The following SLC5A12 variants were observed in gnomAD, a reference collection of about 807,000 sequenced individuals.
SLC5A12 encodes solute carrier family 5 member 12, also known as sodium-coupled monocarboxylate transporter 2.
In SLC5A12, 46 loss-of-function variants were observed where a neutral mutation model predicts 72.7. That is an observed-to-expected ratio of 0.63 (90% CI 0.50 to 0.81). SLC5A12 has a LOEUF of 0.81. Among genes scored for constraint, SLC5A12 ranks in the 30% least tolerant of loss-of-function variants. The pLI, the probability that SLC5A12 is intolerant of heterozygous loss-of-function variation, is 0.00. For synonymous variants in SLC5A12, 275 were observed against 264.4 expected (o/e 1.04, Z -0.39); for missense variants, 683 against 740.7 (o/e 0.92, Z 0.90).
In SLC5A12 at chr11:26,706,926, T is replaced by C. The variant is rs184223983; in HGVS notation, c.525+2386A>G. Among the ~76,000 whole-genome samples the C allele has an allele frequency of 3.3e-5, 5 of 151,730 alleles. No homozygotes were observed. In the East Asian group the frequency reaches 9.7e-4, roughly 29 times the overall value. On this transcript the variant is annotated intron_variant, in intron 4 of 14. Transcript: ENST00000396005. ...CATACCAAAAATAGTTTAACTAGACTCATTAAATGTTTACTATTTTATTTT... is the reference window on the plus strand; with the variant it reads ...CATACCAAAAATAGTTTAACTAGACCCATTAAATGTTTACTATTTTATTTT...
intron 3 of SLC5A12, among the ~76,000 whole-genome samples, 155 bp from the exon 4 acceptor site, chr11:26,709,534 C>T (rs575933240): frequency 2.6e-5 from 4 of 152,176 alleles, no homozygotes; most frequent in African/African-American, 4.8e-5. Context: ...TTCTCACCTT[C>T]GAGAAAGATT....
Position 26,670,159 on chromosome 11 carries a change from G to A in SLC5A12, c.*943C>T, listed in dbSNP as rs7945934. 42,855 of 151,938 alleles carry A rather than the reference G, an allele frequency of 0.28. 6,216 individuals are homozygous for A. Among genetic ancestry groups the A allele is most frequent in the East Asian group, 0.46 (2,381 of 5,146 alleles). 9.4% of individuals were successfully genotyped at this position (151,938 alleles called of 1,614,324 possible). A position where few individuals can be genotyped will look rare whatever the true frequency, so the allele number is the denominator to read the frequency against. ...GAGCTTGCTCACATGAGTTGAATGA[G>A]CAGAGTACAAGTCTTATGGACAATG... On this transcript the variant is annotated 3_prime_UTR_variant, in exon 15 of 15. Transcript: ENST00000396005.
In SLC5A12 at chr11:26,703,949, T is replaced by C. The variant is rs758508520; in HGVS notation, c.526-2A>G. ...CCACACCACTGCTTTTAATCCTCCC[T>C]GAAATAGAGAGAATGTTTGAGTCCT... is the stretch of plus-strand genomic sequence containing the variant. On this transcript the variant is annotated splice_acceptor_variant, in intron 4 of 14. Coordinates refer to ENST00000396005, the MANE Select transcript of SLC5A12 (RefSeq NM_178498.4). LOFTEE classifies it high-confidence loss of function. 1 of 1,613,328 alleles carries C rather than the reference T, an allele frequency of 6.2e-7. No individual in the cohort carries two copies. The highest frequency in any genetic ancestry group is 8.5e-7 in the Non-Finnish European group (1 of 1,179,556).
intron 4 of SLC5A12, 26 bp from the exon 5 acceptor site, chr11:26,703,973 C>G (rs770825349): frequency 6.2e-7 from 1 of 1,612,062 alleles, no homozygotes; most frequent in South Asian, 1.1e-5. Context: ...TGTTTGAGTC[C>G]TTGAAAACAA....
At chr11:26,699,547 A>G (rs1475602713) in intron 6 of SLC5A12, among the ~76,000 whole-genome samples, 2 of 152,074 alleles carry the variant, frequency 1.3e-5, no homozygotes, top group South Asian at 2.1e-4. Flanking sequence ...ACTTCCTTGA[A>G]AGTATTTTGC....
At position 26,668,599 on chromosome 11, in the gene SLC5A12, A is replaced by G. The variant is rs1854053512; in HGVS notation, c.*2503T>C. ...CTTCATAGTTTCCTTTTGCTTCACCACACAACAAACACGGTTTTCATACAC... is the reference window on the plus strand; with the variant it reads ...CTTCATAGTTTCCTTTTGCTTCACCGCACAACAAACACGGTTTTCATACAC... On this transcript the variant is annotated 3_prime_UTR_variant, in exon 15 of 15. Coordinates refer to ENST00000396005, the MANE Select transcript of SLC5A12 (RefSeq NM_178498.4). 6.6e-6 allele frequency: 1 copy of G among 152,040 alleles called. No individual in the cohort carries two copies. Among genetic ancestry groups the G allele is most frequent in the African/African-American group, 2.4e-5 (1 of 41,406 alleles). The allele number at this position is 152,040 out of a possible 1,614,324, so 9.4% of individuals were successfully genotyped here.
intron 6 of SLC5A12, 30 bp from the exon 7 acceptor site, chr11:26,698,565 G>A: frequency 6.2e-7 from 1 of 1,612,084 alleles, no homozygotes; most frequent in Non-Finnish European, 8.5e-7. Flanking sequence ...CCTATTGGTA[G>A]CCTGTATACC....
At chr11:26,698,918 C>T (rs1307008697) in intron 6 of SLC5A12, among the ~76,000 whole-genome samples, 2 of 152,114 alleles carry the variant, frequency 1.3e-5, no homozygotes, top group East Asian at 3.9e-4. Flanking sequence ...AAAAAGGCAA[C>T]TTACATTTTT....
intron 7 of SLC5A12, 60 bp downstream of exon 7, chr11:26,698,346 C>A (rs1047241634): frequency 3.8e-6 from 6 of 1,585,476 alleles, no homozygotes; most frequent in South Asian, 1.2e-5. Flanking sequence ...AGATTATCCA[C>A]CAATAGCTAG....
Position 26,670,965 on chromosome 11 carries a change from G to C in SLC5A12, c.*137C>G, listed in dbSNP as rs1854125498. 11 of 698,266 alleles carry C rather than the reference G, an allele frequency of 1.6e-5. No individual in the cohort carries two copies. The South Asian group carries it at 1.7e-4, about 11-fold the overall frequency. The allele number at this position is 698,266 out of a possible 1,614,324, so 43.3% of individuals were successfully genotyped here. On this transcript the variant is annotated 3_prime_UTR_variant, in exon 15 of 15. Coordinates refer to ENST00000396005, the MANE Select transcript of SLC5A12 (RefSeq NM_178498.4). ...TTTTGCATGTAGTTATAAATAAGTAGAAATAGGCACCAGACATCCCTGTCT... is the reference window on the plus strand; with the variant it reads ...TTTTGCATGTAGTTATAAATAAGTACAAATAGGCACCAGACATCCCTGTCT...
intron 14 of SLC5A12, among the ~76,000 whole-genome samples, chr11:26,672,184 G>T (rs1854158872): frequency 1.3e-5 from 2 of 152,026 alleles, no homozygotes; most frequent in South Asian, 4.1e-4. Flanking sequence ...CTGTAAACGT[G>T]GTGCTCTTGC....
intron 1 of SLC5A12, among the ~76,000 whole-genome samples, chr11:26,713,044 G>T (rs965345483): frequency 5.3e-5 from 8 of 152,008 alleles, no homozygotes; most frequent in African/African-American, 1.9e-4. Flanking sequence ...TCCAAATTTA[G>T]TTCGATCCTT....
intron 9 of SLC5A12, among the ~76,000 whole-genome samples, chr11:26,690,491 T>G (rs1854641416): frequency 6.6e-6 from 1 of 151,556 alleles, no homozygotes; most frequent in African/African-American, 2.4e-5. Flanking sequence ...TAAAGAATAA[T>G]GCTGGGAAAG....
Position 26,670,992 on chromosome 11 carries a change from C to T in SLC5A12, c.*110G>A. 3.1e-6 allele frequency: 3 copies of T among 961,262 alleles called. No homozygotes were observed. The highest frequency in any genetic ancestry group is 4.4e-6 in the Non-Finnish European group (3 of 679,674). 59.5% of individuals were successfully genotyped at this position (961,262 alleles called of 1,614,324 possible). A position where few individuals can be genotyped will look rare whatever the true frequency, so the allele number is the denominator to read the frequency against. On this transcript the variant is annotated 3_prime_UTR_variant, in exon 15 of 15. Transcript: ENST00000396005. ...AATAGGCACCAGACATCCCTGTCTT[C>T]TAGCAATGGCAACTATACATATCTA...
Position 26,683,839 on chromosome 11 carries a change from G to A in SLC5A12, c.1226C>T (p.Ser409Phe), listed in dbSNP as rs1854464961. ...TCCACACATGCCGTGAATGCTGAGG[G>A]AAGCCTGTGGAACAAAGGCAGACCA... ...ASVMGGVVQASLSIHGMCGGP... is the reference protein window; with the variant it reads ...ASVMGGVVQAFLSIHGMCGGP... The change falls in exon 11 of 15, where the codon TCC becomes TTC. Residue 409 changes from serine (S) to phenylalanine (F), a missense_variant. By Grantham distance (155) the Ser-to-Phe change is radical. Coordinates refer to ENST00000396005, the MANE Select transcript of SLC5A12 (RefSeq NM_178498.4). 5.7e-6 allele frequency: 9 copies of A among 1,591,152 alleles called. No homozygotes were observed. Among genetic ancestry groups the A allele is most frequent in the Admixed American group, 1.8e-5 (1 of 56,792 alleles).
chr11:26,697,679 T>C (rs1439038764), intron 7 of SLC5A12, among the ~76,000 whole-genome samples: 1 of 152,106 alleles, frequency 6.6e-6, no homozygotes, highest in Non-Finnish European at 1.5e-5. Flanking sequence ...AGCACGATGT[T>C]TAAGTTATGC....
chr11:26,712,675 C>G lies in SLC5A12; in HGVS notation c.371G>C (p.Arg124Pro), dbSNP rs777025065. The change falls in exon 2 of 15, where the codon CGC becomes CCC. Residue 124 changes from arginine to proline, a missense_variant. Physicochemically the swap from Arg to Pro is moderately radical, Grantham distance 103. Coordinates refer to ENST00000396005, the MANE Select transcript of SLC5A12 (RefSeq NM_178498.4). ...AATGTAGATGACCGTGGCAGCATAG[C>G]GAACTGGTTTGTTGAATCGTAGTTG... The part of the protein sequence containing the change: ...YLQLRFNKPV[R>P]YAATVIYIVQ... 8.2e-6 allele frequency: 13 copies of G among 1,588,532 alleles called. No homozygotes were observed. The highest frequency in any genetic ancestry group is 1.1e-5 in the Non-Finnish European group (13 of 1,161,312).
intron 6 of SLC5A12, among the ~76,000 whole-genome samples, chr11:26,698,753 G>T (rs1210832380): frequency 6.6e-6 from 1 of 151,946 alleles, no homozygotes; most frequent in Admixed American, 6.6e-5. Flanking sequence ...AATAAAGTAA[G>T]ATTTTAAGTG....
chr11:26,678,947 A>G (rs1854329253), intron 12 of SLC5A12, 132 bp from the exon 13 acceptor site: 1 of 515,000 alleles, frequency 1.9e-6, no homozygotes, highest in East Asian at 3.0e-5. Flanking sequence ...CATTTAAAAA[A>G]TTATATTTAG....
Sources: allele counts gnomAD v4.1 joint callset (sites outside exome capture counted in the v4.1 genomes callset), GRCh38; gene constraint gnomAD v4.1.1; transcripts MANE v1.5; gene names NCBI Gene and HGNC (gene_info 2026-07-23, HGNC 2026-07-21).